The following CNTNAP2 variants were observed in gnomAD, a reference collection of about 807,000 sequenced individuals.
CNTNAP2 encodes the protein contactin-associated protein-like 2.
A neutral mutation model predicts 155.2 loss-of-function variants in CNTNAP2; 98 were observed. That is an observed-to-expected ratio of 0.63 (90% confidence interval 0.54 to 0.75). The LOEUF (loss-of-function observed/expected upper bound fraction) is 0.75. CNTNAP2 is among the 30% of genes least tolerant of loss of function. The probability of loss-of-function intolerance (pLI) is 0.00; values close to 1 mark genes in which losing one functional copy is unlikely to be tolerated. For synonymous variants in CNTNAP2, 651 were observed against 631.2 expected, an observed-to-expected ratio of 1.03 and a Z score of -0.47; for missense variants, 1,727 against 1,688.1, an observed-to-expected ratio of 1.02 and a Z score of -0.40.
chr7:148,339,908 C>T (rs182501754), intron 21 of CNTNAP2, among the ~76,000 whole-genome samples: 24 of 152,094 alleles, frequency 1.6e-4, no homozygotes, highest in Non-Finnish European at 2.9e-4. Context: ...AAGTCTACTC[C>T]ACAGGGTCAC....
At chr7:147,494,468 CAAAA>C (rs10562874) in intron 11 of CNTNAP2, among the ~76,000 whole-genome samples, 2 of 116,388 alleles carry the variant, frequency 1.7e-5, no homozygotes, top group African/African-American at 3.4e-5. Flanking sequence ...TGAGTCTTGG[CAAAA>C]AAAAAAAAAA....
intron 1 of CNTNAP2, among the ~76,000 whole-genome samples, chr7:146,369,029 G>GTATATATATATATATATATATACATA (rs1795194596): frequency 5.8e-5 from 8 of 137,374 alleles, no homozygotes; most frequent in South Asian, 4.8e-4. Flanking sequence ...AAAGCATTAT[G>GTATATATATATATATATATATACATA]TATATATATA....
At chr7:148,263,601 G>A (rs944668440) in intron 20 of CNTNAP2, among the ~76,000 whole-genome samples, 27 of 152,064 alleles carry the variant, frequency 1.8e-4, no homozygotes, top group African/African-American at 5.8e-4. Context: ...GCCGGGCGTG[G>A]TGGCGGGCGC....
intron 21 of CNTNAP2, among the ~76,000 whole-genome samples, chr7:148,362,920 A>AC (rs1798653923): frequency 6.6e-6 from 1 of 152,164 alleles, no homozygotes; most frequent in South Asian, 2.1e-4. Flanking sequence ...TCCTTTGAGT[A>AC]CCCATACAAC....
intron 4 of CNTNAP2, among the ~76,000 whole-genome samples, chr7:147,052,318 C>G (rs916557095): frequency 6.6e-6 from 1 of 152,244 alleles, no homozygotes; most frequent in Admixed American, 6.5e-5. Context: ...TTATTCATCA[C>G]TAGCATCCCC....
chr7:147,927,505 T>A (rs968181245), intron 14 of CNTNAP2, among the ~76,000 whole-genome samples: 5 of 152,220 alleles, frequency 3.3e-5, no homozygotes, highest in African/African-American at 1.2e-4. Flanking sequence ...TCCGTAAATA[T>A]ATACATCTAC....
chr7:146,659,516 G>A (rs534158700), intron 1 of CNTNAP2, among the ~76,000 whole-genome samples: 1 of 152,010 alleles, frequency 6.6e-6, no homozygotes, highest in Admixed American at 6.6e-5. Context: ...ATTTTTTTCA[G>A]GGATTCTCTA....
chr7:148,373,496 T>C (rs184587023), intron 21 of CNTNAP2, among the ~76,000 whole-genome samples: 8 of 152,202 alleles, frequency 5.3e-5, no homozygotes, highest in Admixed American at 4.6e-4. Context: ...TCTAAAATAA[T>C]GATAAAAAGC....
At chr7:148,273,504 T>C (rs1184087751) in intron 21 of CNTNAP2, among the ~76,000 whole-genome samples, 1 of 152,256 alleles carries the variant, frequency 6.6e-6, no homozygotes, top group East Asian at 1.9e-4. Flanking sequence ...CCTCTTTAAT[T>C]AATCGTTTTT....
intron 21 of CNTNAP2, among the ~76,000 whole-genome samples, chr7:148,373,134 G>A (rs992932563): frequency 6.6e-6 from 1 of 152,024 alleles, no homozygotes; most frequent in East Asian, 1.9e-4. Context: ...TGAGGCTGTT[G>A]TACAATTACC....
chr7:148,135,213 A>C (rs1325403725), intron 16 of CNTNAP2, among the ~76,000 whole-genome samples: 1 of 152,150 alleles, frequency 6.6e-6, no homozygotes, highest in African/African-American at 2.4e-5. Flanking sequence ...GGCTGGTCGG[A>C]TGTTTATCTG....
Position 146,236,393 on chromosome 7 carries a change from A to C in CNTNAP2, c.97+119420A>C, listed in dbSNP as rs1460571797. Among the ~76,000 whole-genome samples, 6 of 152,314 alleles carry C rather than the reference A, an allele frequency of 3.9e-5. No individual in the cohort carries two copies. In the East Asian group the frequency reaches 5.8e-4, roughly 15 times the overall value. On this transcript the variant is annotated intron_variant, in intron 1 of 23. Coordinates refer to ENST00000361727, the MANE Select transcript of CNTNAP2 (RefSeq NM_014141.6). ...CTTGTACTTTAGAAGTAAATAAATA[A>C]TTAAATAAATAAGAGTTCTAATTTA...
intron 3 of CNTNAP2, among the ~76,000 whole-genome samples, chr7:146,917,529 T>G (rs924980333): frequency 2.0e-5 from 3 of 152,176 alleles, no homozygotes; most frequent in Non-Finnish European, 4.4e-5. Context: ...GATATTTTCC[T>G]GTTGCACTAG....
chr7:148,230,287 G>C (rs1795936662), intron 20 of CNTNAP2, among the ~76,000 whole-genome samples: 2 of 152,118 alleles, frequency 1.3e-5, no homozygotes, highest in South Asian at 4.1e-4. Context: ...TGGGCTTTCG[G>C]CACACAAAGG....
At chr7:147,225,246 G>A (rs1459164175) in intron 8 of CNTNAP2, among the ~76,000 whole-genome samples, 1 of 152,202 alleles carries the variant, frequency 6.6e-6, no homozygotes, top group Non-Finnish European at 1.5e-5. Context: ...GGCCACTTGT[G>A]AATCTAGAGA....
At chr7:148,108,887 C>A (rs1296958735) in intron 15 of CNTNAP2, among the ~76,000 whole-genome samples, 1 of 152,184 alleles carries the variant, frequency 6.6e-6, no homozygotes, top group African/African-American at 2.4e-5. Context: ...TGTTAAGTAC[C>A]TTGATTTAAT....
intron 11 of CNTNAP2, among the ~76,000 whole-genome samples, chr7:147,502,129 G>A (rs934589796): frequency 4.6e-5 from 7 of 152,064 alleles, no homozygotes; most frequent in Non-Finnish European, 1.0e-4. Flanking sequence ...TTAACAGTTA[G>A]TCCCACTAAA....
At chr7:146,353,044 G>A (rs58487738) in intron 1 of CNTNAP2, among the ~76,000 whole-genome samples, 14,395 of 151,918 alleles carry the variant, frequency 0.095, 1,167 homozygotes, top group African/African-American at 0.22. Context: ...CTGAGCCACC[G>A]CGCCCGGCCA....
chr7:146,930,067 C>G (rs990707306), intron 3 of CNTNAP2, among the ~76,000 whole-genome samples: 1 of 152,086 alleles, frequency 6.6e-6, no homozygotes, highest in Admixed American at 6.6e-5. Context: ...GGCCAACATT[C>G]AGATTCAGGA....
Sources: allele counts gnomAD v4.1 joint callset (sites outside exome capture counted in the v4.1 genomes callset), GRCh38; gene constraint gnomAD v4.1.1; transcripts MANE v1.5; gene names NCBI Gene and HGNC (gene_info 2026-07-23, HGNC 2026-07-21).